PPP1R10: variants seen among roughly 807,000 people sequenced by gnomAD.
The protein encoded by PPP1R10 is protein phosphatase 1 regulatory subunit 10, also known as serine/threonine-protein phosphatase 1 regulatory subunit 10.
PPP1R10 carries 15 observed loss-of-function variants against 99.0 expected under a neutral mutation model. The observed-to-expected ratio is 0.15, with a 90% CI of 0.10 to 0.23. The LOEUF is 0.23. Ranked by LOEUF, PPP1R10 falls within the 10% of genes least tolerant of loss-of-function variation. PPP1R10 has a pLI of 1.00. For synonymous variants in PPP1R10, 430 were observed against 449.5 expected (o/e 0.96, Z 0.55); for missense variants, 947 against 1,259.4 (o/e 0.75, Z 3.75).
rs1451011241 is a variant in PPP1R10, at chr6:30,602,525, A to C, written c.2124T>G (p.Gly708=). The C allele has an allele frequency of 1.3e-6, 2 of 1,570,384 alleles. No individual in the cohort carries two copies. Among genetic ancestry groups the C allele is most frequent in the South Asian group, 2.3e-5 (2 of 86,376 alleles). The change falls in exon 19 of 20, where the codon GGT becomes GGG. Residue 708 remains glycine (G), a synonymous_variant. Coordinates refer to ENST00000376511, the MANE Select transcript of PPP1R10 (RefSeq NM_002714.4). This position sits in a 1 kb window ranked among gnomAD's most constrained non-coding sequence, Gnocchi z 6.7. ...PGPGPYHRGR[G]GRGGNEPPPP... Reference sequence around the variant, plus strand: ...GAGGAGGTTCGTTTCCTCCTCGGCCACCTCGGCCTCTATGGTATGGTCCAG... The same window carrying C: ...GAGGAGGTTCGTTTCCTCCTCGGCCCCCTCGGCCTCTATGGTATGGTCCAG...
intron 6 of PPP1R10, among the ~76,000 whole-genome samples, chr6:30,607,299 T>G (rs1804050253): frequency 6.6e-6 from 1 of 152,240 alleles, no homozygotes; most frequent in African/African-American, 2.4e-5. Context: ...GCTTTATGTA[T>G]AACACACCTA....
rs972640570 is a variant in PPP1R10 at position 30,609,464 on chromosome 6, G to A, written c.108-301C>T. 2.0e-5 allele frequency among the ~76,000 whole-genome samples: 3 copies of A among 152,104 alleles called. No individual in the cohort carries two copies. The highest frequency in any genetic ancestry group is 4.4e-5 in the Non-Finnish European group (3 of 68,028). ...TATCCCTCAACAACTGTCCCTAATAGTCTGTTCAAGACTGGCTTAGTTATT... is the reference window on the plus strand; with the variant it reads ...TATCCCTCAACAACTGTCCCTAATAATCTGTTCAAGACTGGCTTAGTTATT... On this transcript the variant is annotated intron_variant, in intron 3 of 19. Coordinates refer to ENST00000376511, the MANE Select transcript of PPP1R10 (RefSeq NM_002714.4). The surrounding 1 kb of genome is among the most constrained non-coding windows in gnomAD (Gnocchi z 4.5).
At position 30,604,598 on chromosome 6, in the gene PPP1R10, G is replaced by A. The variant is rs1388877371; in HGVS notation, c.1092C>T (p.Leu364=). The change falls in exon 12 of 20, where the codon CTC becomes CTT. Residue 364 remains leucine (L), a synonymous_variant. Coordinates refer to ENST00000376511, the MANE Select transcript of PPP1R10 (RefSeq NM_002714.4). This position sits in a 1 kb window ranked among gnomAD's most constrained non-coding sequence, Gnocchi z 7.3. ...CAGTTTCTAGATTACCTGTATCCAT[G>A]AGCTCCGGGACTTCAACAGGGGGAA... ...TPVPPVEVPE[L]MDTASLEPGA... 5.6e-6 allele frequency: 9 copies of A among 1,613,024 alleles called. No homozygotes were observed. The highest frequency in any genetic ancestry group is 7.6e-6 in the Non-Finnish European group (9 of 1,180,032).
intron 2 of PPP1R10, among the ~76,000 whole-genome samples, chr6:30,610,244 AG>A (rs1804422883): frequency 6.6e-6 from 1 of 152,180 alleles, no homozygotes; most frequent in Non-Finnish European, 1.5e-5. Context: ...CATCCTTCCT[AG>A]GATGGCTGAA....
intron 2 of PPP1R10, among the ~76,000 whole-genome samples, chr6:30,614,081 G>A (rs987969951): frequency 6.6e-6 from 1 of 152,080 alleles, no homozygotes; most frequent in Non-Finnish European, 1.5e-5. Context: ...AAATTATATG[G>A]AGAGTCTGAT....
chr6:30,602,750 C>A lies in PPP1R10; in HGVS notation c.1958-59G>T. 6.3e-7 allele frequency: 1 copy of A among 1,575,030 alleles called. No homozygotes were observed. Among genetic ancestry groups the A allele is most frequent in the South Asian group, 1.1e-5 (1 of 86,992 alleles). On this transcript the variant is annotated intron_variant, in intron 18 of 19. Transcript: ENST00000376511. The surrounding 1 kb of genome is among the most constrained non-coding windows in gnomAD (Gnocchi z 6.7). ...CTACCAGGAACTGCCATCTCCCAAC[C>A]TAAACCACCACCTCCCACCTTCCAG...
At chr6:30,616,126 T>C (rs1760502011) in intron 2 of PPP1R10, among the ~76,000 whole-genome samples, 1 of 152,212 alleles carries the variant, frequency 6.6e-6, no homozygotes, top group Admixed American at 6.5e-5. Flanking sequence ...TGAAGACTGC[T>C]GCTAACCAGA....
In PPP1R10 at chr6:30,608,703, C is replaced by T. The variant is rs868190557; in HGVS notation, c.330+76G>A. 12 of 1,501,252 alleles carry T rather than the reference C, an allele frequency of 8.0e-6. No individual in the cohort carries two copies. The South Asian group carries it at 1.1e-4, about 13-fold the overall frequency. The allele number at this position is 1,501,252 out of a possible 1,614,324, so 93.0% of individuals were successfully genotyped here. On this transcript the variant is annotated intron_variant, in intron 5 of 19. Coordinates refer to ENST00000376511, the MANE Select transcript of PPP1R10 (RefSeq NM_002714.4). ...CCTCACAGGCCCAAGATTACAGCCA[C>T]ATCAGTCAGTTTGAGTTTTTCATCC...
At chr6:30,611,622 C>T (rs1804566422) in intron 2 of PPP1R10, among the ~76,000 whole-genome samples, 2 of 152,146 alleles carry the variant, frequency 1.3e-5, no homozygotes, top group South Asian at 4.1e-4. Context: ...CCAACAAAAA[C>T]GTCAGTAAGT....
chr6:30,606,649 G>GA lies in PPP1R10; in HGVS notation c.461-9dup. On this transcript the variant is annotated splice_polypyrimidine_tract_variant and intron_variant, in intron 7 of 19. Transcript: ENST00000376511. This position sits in a 1 kb window ranked among gnomAD's most constrained non-coding sequence, Gnocchi z 6.3. ...GTTTCTTCTTATCTTTCTCTGTTGT[G>GA]AAAAAACAAAGCAGAAAAGGATTTT... is the stretch of plus-strand genomic sequence containing the variant. 1 of 1,613,750 alleles carries GA rather than the reference G, an allele frequency of 6.2e-7. No homozygotes were observed. Among genetic ancestry groups the GA allele is most frequent in the Non-Finnish European group, 8.5e-7 (1 of 1,179,946 alleles).
Position 30,602,868 on chromosome 6 carries a change from AG to A in PPP1R10, c.1934del (p.Pro645LeufsTer272), listed in dbSNP as rs1330253299. On this transcript the variant is annotated frameshift_variant, in exon 18 of 20. Transcript: ENST00000376511. LOFTEE classifies it high-confidence loss of function. This position sits in a 1 kb window ranked among gnomAD's most constrained non-coding sequence, Gnocchi z 6.7. ...TACCTGGCATAGGTCCCCCAGGTCC[AG>A]GGGGAAAGTGCTGCATGCCCTTGGG... ...GGPKGMQHFP[P>X]GPGGPMPGPH... 6.4e-7 allele frequency: 1 copy of A among 1,555,614 alleles called. No individual in the cohort carries two copies. The highest frequency in any genetic ancestry group is 8.7e-7 in the Non-Finnish European group (1 of 1,148,706).
At position 30,604,410 on chromosome 6, in the gene PPP1R10, G is replaced by C. The variant is rs759239942; in HGVS notation, c.1204C>G (p.Pro402Ala). The part of the protein sequence containing the change: ...KGRKRKSVTW[P>A]EEGKLREYFY... ...TATTCTCTCAGTTTGCCTTCCTCAGGCCATGTCACACTTTTCCTCTTCCTG... is the reference window on the plus strand; with the variant it reads ...TATTCTCTCAGTTTGCCTTCCTCAGCCCATGTCACACTTTTCCTCTTCCTG... Residue 402 changes from proline to alanine, a missense_variant, in exon 13 of 20, where the codon CCT becomes GCT. Around this residue, in one of 10 missense-constraint regions of PPP1R10, gnomAD observed 100 missense variants for 105.8 expected, o/e 0.94. Transcript: ENST00000376511. This position sits in a 1 kb window ranked among gnomAD's most constrained non-coding sequence, Gnocchi z 7.3. 29 of 1,613,542 alleles carry C rather than the reference G, an allele frequency of 1.8e-5. No individual in the cohort carries two copies. Among genetic ancestry groups the C allele is most frequent in the Non-Finnish European group, 1.2e-5 (14 of 1,180,030 alleles).
At chr6:30,615,926 AAC>A (rs779254698) in intron 2 of PPP1R10, among the ~76,000 whole-genome samples, 24 of 152,334 alleles carry the variant, frequency 1.6e-4, no homozygotes, top group African/African-American at 2.2e-4. Flanking sequence ...GAGAGGATTT[AAC>A]AGTCATTTAA....
chr6:30,601,648 G>T lies in PPP1R10; in HGVS notation c.2724C>A (p.Asn908Lys). The change falls in exon 20 of 20, where the codon AAC (asparagine) becomes AAA (lysine). Residue 908 changes from asparagine (N) to lysine (K), a missense_variant. Asn to Lys is a moderately conservative substitution (Grantham distance 94). Transcript: ENST00000376511. ...GGHSHGGDMS[N>K]RPVCRHFMMK... ...TCATGAAATGTCGGCAGACAGGGCGGTTTGACATGTCTGTGGGAACGATGG... is the reference window on the plus strand; with the variant it reads ...TCATGAAATGTCGGCAGACAGGGCGTTTTGACATGTCTGTGGGAACGATGG... 1 of 1,614,018 alleles carries T rather than the reference G, an allele frequency of 6.2e-7. No homozygotes were observed. The highest frequency in any genetic ancestry group is 8.5e-7 in the Non-Finnish European group (1 of 1,179,936).
rs1561821856 is a variant in PPP1R10 at position 30,600,438 on chromosome 6, T to C, written c.*1111A>G. 1 of 152,256 alleles carries C rather than the reference T, an allele frequency of 6.6e-6. No homozygotes were observed. The highest frequency in any genetic ancestry group is 1.5e-5 in the Non-Finnish European group (1 of 68,012). The allele number at this position is 152,256 out of a possible 1,614,324, so 9.4% of individuals were successfully genotyped here. On this transcript the variant is annotated 3_prime_UTR_variant, in exon 20 of 20. Transcript: ENST00000376511. ...TTCTCTTTCCACTGTTTATTATTAATGTACAAAATATACAAAACCAAAAAA... is the reference window on the plus strand; with the variant it reads ...TTCTCTTTCCACTGTTTATTATTAACGTACAAAATATACAAAACCAAAAAA...
chr6:30,615,916 G>A (rs1161349752), intron 2 of PPP1R10, among the ~76,000 whole-genome samples: 2 of 152,086 alleles, frequency 1.3e-5, no homozygotes, highest in African/African-American at 2.4e-5. Context: ...CATTAAAATT[G>A]AGAGGATTTA....
In PPP1R10 at chr6:30,604,118, G is replaced by C; in HGVS notation, c.1398C>G (p.Pro466=). 1 of 1,614,028 alleles carries C rather than the reference G, an allele frequency of 6.2e-7. No homozygotes were observed. Among genetic ancestry groups the C allele is most frequent in the South Asian group, 1.1e-5 (1 of 91,076 alleles). ...EEKVPWVCPR[P]LVLPSPLVTP... ...TGACAAGAGGTGAGGGCAGAACCAGGGGCCGGGGGCACACCCAGGGCACCT... is the reference window on the plus strand; with the variant it reads ...TGACAAGAGGTGAGGGCAGAACCAGCGGCCGGGGGCACACCCAGGGCACCT... The change falls in exon 14 of 20, where the codon CCC becomes CCG. Residue 466 remains proline, a synonymous_variant. Coordinates refer to ENST00000376511, the MANE Select transcript of PPP1R10 (RefSeq NM_002714.4). This position sits in a 1 kb window ranked among gnomAD's most constrained non-coding sequence, Gnocchi z 7.3.
At position 30,602,962 on chromosome 6, in the gene PPP1R10, G is replaced by A. The variant is rs1223484951; in HGVS notation, c.1844-3C>T. On this transcript the variant is annotated splice_polypyrimidine_tract_variant and splice_region_variant and intron_variant, in intron 17 of 19. Coordinates refer to ENST00000376511, the MANE Select transcript of PPP1R10 (RefSeq NM_002714.4). This position sits in a 1 kb window ranked among gnomAD's most constrained non-coding sequence, Gnocchi z 6.7. Reference sequence around the variant, plus strand: ...AGGGCCTAGGAGTCCATGTGGCACTGTTAATGAAAACAAGAGTAACACAGC... The same window carrying A: ...AGGGCCTAGGAGTCCATGTGGCACTATTAATGAAAACAAGAGTAACACAGC... The A allele has an allele frequency of 6.5e-7, 1 of 1,539,292 alleles. No homozygotes were observed. Among genetic ancestry groups the A allele is most frequent in the Non-Finnish European group, 8.8e-7 (1 of 1,141,142 alleles).
chr6:30,603,879 G>A (rs750831824), intron 14 of PPP1R10, 36 bp from the exon 15 acceptor site: 3 of 1,523,804 alleles, frequency 2.0e-6, no homozygotes, highest in Non-Finnish European at 2.6e-6. Context: ...AAAAAAGAAT[G>A]ATAGTCAAGT....
Sources: allele counts gnomAD v4.1 joint callset (sites outside exome capture counted in the v4.1 genomes callset), GRCh38; gene constraint gnomAD v4.1.1; regional missense constraint gnomAD v4.1.1; non-coding constraint Gnocchi (gnomAD v3.1); transcripts MANE v1.5; gene names NCBI Gene and HGNC (gene_info 2026-07-23, HGNC 2026-07-21).